Variants in MED27 observed in about 807,000 individuals in gnomAD.
MED27 encodes mediator of RNA polymerase II transcription subunit 27.
In MED27, 30 loss-of-function variants were observed where a neutral mutation model predicts 38.2. The ratio of observed to expected loss-of-function variants is 0.79; its 90% confidence interval spans 0.59 to 1.07. MED27 has a LOEUF of 1.07. Ranked by LOEUF, MED27 falls within the 50% of genes least tolerant of loss-of-function variation. The pLI is 0.00. For missense variants in MED27, 289 were observed against 397.5 expected (o/e 0.73, Z 2.32); for synonymous variants, 122 against 153.5 (o/e 0.79, Z 1.52).
intron 2 of MED27, among the ~76,000 whole-genome samples, chr9:132,059,969 T>C (rs1042207562): frequency 6.6e-6 from 1 of 152,142 alleles, no homozygotes; most frequent in Non-Finnish European, 1.5e-5. Flanking sequence ...GTAGGAACCA[T>C]GATTCTCTCC....
intron 4 of MED27, among the ~76,000 whole-genome samples, chr9:131,935,515 T>C (rs955433759): frequency 1.3e-5 from 2 of 152,192 alleles, no homozygotes; most frequent in African/African-American, 4.8e-5. Flanking sequence ...GGATGGACAT[T>C]AGACGACAAT....
intron 2 of MED27, chr9:132,073,222 GC>G: frequency 1.6e-6 from 1 of 641,384 alleles, no homozygotes; most frequent in South Asian, 7.0e-5. Context: ...TCTCCAAATT[GC>G]CTCCCATCCA....
At position 131,883,971 on chromosome 9, in the gene MED27, G is replaced by A; in HGVS notation, c.723+87C>T. ...TCTGGCTTTTTTCACTTTTTCAAAA[G>A]CCTCTGATTTGAGACCAATGTTTAA... On this transcript the variant is annotated intron_variant, in intron 6 of 7. Coordinates refer to ENST00000292035, the MANE Select transcript of MED27 (RefSeq NM_004269.4). The surrounding 1 kb of genome is among the most constrained non-coding windows in gnomAD (Gnocchi z 4.2). The A allele has an allele frequency of 8.6e-7, 1 of 1,166,116 alleles. No homozygotes were observed. The highest frequency in any genetic ancestry group is 1.2e-6 in the Non-Finnish European group (1 of 803,146). The allele number at this position is 1,166,116 out of a possible 1,614,324, so 72.2% of individuals were successfully genotyped here. A position where few individuals can be genotyped will look rare whatever the true frequency, so the allele number is the denominator to read the frequency against.
chr9:131,905,728 C>CA (rs1830048662), intron 4 of MED27, among the ~76,000 whole-genome samples: 1 of 113,608 alleles, frequency 8.8e-6, no homozygotes, highest in African/African-American at 3.4e-5. Context: ...AAAAAAAAAA[C>CA]AGAAAAAGAA....
At chr9:132,062,812 G>A (rs779331509) in intron 2 of MED27, among the ~76,000 whole-genome samples, 24 of 151,750 alleles carry the variant, frequency 1.6e-4, no homozygotes, top group Admixed American at 2.6e-4. Flanking sequence ...TTGTAGAGAC[G>A]GAGTCTCACT....
intron 3 of MED27, among the ~76,000 whole-genome samples, chr9:131,969,457 C>T (rs1219057447): frequency 2.0e-5 from 3 of 151,588 alleles, no homozygotes; most frequent in Admixed American, 6.6e-5. Context: ...TAAGTGCTCT[C>T]GTAACATTTT....
chr9:132,065,013 C>A, intron 2 of MED27, among the ~76,000 whole-genome samples: 1 of 152,276 alleles, frequency 6.6e-6, no homozygotes, highest in Non-Finnish European at 1.5e-5. Flanking sequence ...GTGTGTAGAA[C>A]AGCAACTGGA....
chr9:131,947,002 C>T (rs1487479990), intron 3 of MED27, among the ~76,000 whole-genome samples: 2 of 152,172 alleles, frequency 1.3e-5, no homozygotes, highest in East Asian at 3.8e-4. Flanking sequence ...ACACCTAACT[C>T]CCCTACAGAA....
intron 2 of MED27, among the ~76,000 whole-genome samples, chr9:132,037,657 C>T (rs1423437485): frequency 5.3e-5 from 8 of 152,122 alleles, no homozygotes; most frequent in African/African-American, 1.7e-4. Flanking sequence ...GGGCTGGCTT[C>T]GGTGGCAATG....
intron 3 of MED27, among the ~76,000 whole-genome samples, chr9:131,990,991 C>G (rs530307073): frequency 6.6e-6 from 1 of 152,180 alleles, no homozygotes; most frequent in Non-Finnish European, 1.5e-5. Flanking sequence ...GGGGTTCTTG[C>G]TGAAAGACAG....
At chr9:131,867,711 C>G (rs1589169034) in intron 6 of MED27, among the ~76,000 whole-genome samples, 1 of 152,376 alleles carries the variant, frequency 6.6e-6, no homozygotes, top group African/African-American at 2.4e-5. Context: ...ATTGGAATCT[C>G]CTGGGTGGGG....
At chr9:132,038,123 A>T (rs1243413898) in intron 2 of MED27, among the ~76,000 whole-genome samples, 1 of 151,366 alleles carries the variant, frequency 6.6e-6, no homozygotes, top group East Asian at 1.9e-4. Flanking sequence ...CTACACTCTC[A>T]TTCATTCATT....
intron 6 of MED27, among the ~76,000 whole-genome samples, chr9:131,881,375 AC>A (rs1839035815): frequency 6.6e-6 from 1 of 151,992 alleles, no homozygotes; most frequent in Non-Finnish European, 1.5e-5. Context: ...GCGTAACCAC[AC>A]CCTTCCTTCC....
At chr9:131,897,700 G>GCT (rs1342723288) in intron 4 of MED27, among the ~76,000 whole-genome samples, 2 of 152,172 alleles carry the variant, frequency 1.3e-5, no homozygotes, top group Non-Finnish European at 2.9e-5. Flanking sequence ...AAGCTGGGAT[G>GCT]GGTTCATGGG....
intron 2 of MED27, among the ~76,000 whole-genome samples, chr9:132,048,212 A>G (rs1833382847): frequency 6.6e-6 from 1 of 152,146 alleles, no homozygotes; most frequent in Non-Finnish European, 1.5e-5. Context: ...CATCCTTGAC[A>G]TTATCTCTTA....
At chr9:131,921,037 G>A (rs555462897) in intron 4 of MED27, among the ~76,000 whole-genome samples, 1 of 152,298 alleles carries the variant, frequency 6.6e-6, no homozygotes, top group African/African-American at 2.4e-5. Flanking sequence ...GCATTGCGGA[G>A]AGTAGAAGCA....
At chr9:131,987,233 T>A (rs1354273094) in intron 3 of MED27, among the ~76,000 whole-genome samples, 1 of 152,084 alleles carries the variant, frequency 6.6e-6, no homozygotes, top group East Asian at 1.9e-4. Context: ...GTGCATCTTT[T>A]ACTAGTTTTA....
chr9:131,920,792 G>C (rs940812615), intron 4 of MED27, among the ~76,000 whole-genome samples: 7 of 152,090 alleles, frequency 4.6e-5, no homozygotes, highest in African/African-American at 9.7e-5. Flanking sequence ...TGGGGGAGAG[G>C]GGGTGGAGTC....
rs7875190 is a variant in MED27, at chr9:132,036,898, T to G, written c.349-22431A>C. On this transcript the variant is annotated intron_variant, in intron 2 of 7. Coordinates refer to ENST00000292035, the MANE Select transcript of MED27 (RefSeq NM_004269.4). ...AGGAAAGTCATAGGTGCTGAAAGCCTATGCCAGAAGGACAGTCCAGGCCGA... is the reference window on the plus strand; with the variant it reads ...AGGAAAGTCATAGGTGCTGAAAGCCGATGCCAGAAGGACAGTCCAGGCCGA... Among the ~76,000 whole-genome samples, 752 of 152,252 alleles carry G rather than the reference T, an allele frequency of 4.9e-3. 11 individuals carry two copies. The highest frequency in any genetic ancestry group is 0.017 in the African/African-American group (696 of 41,530).
Sources: allele counts gnomAD v4.1 joint callset (sites outside exome capture counted in the v4.1 genomes callset), GRCh38; gene constraint gnomAD v4.1.1; non-coding constraint Gnocchi (gnomAD v3.1); transcripts MANE v1.5; gene names NCBI Gene and HGNC (gene_info 2026-07-23, HGNC 2026-07-21).